Variants in DCTN1 observed in about 807,000 individuals in gnomAD.
DCTN1 encodes dynactin subunit 1.
A neutral mutation model predicts 161.2 loss-of-function variants in DCTN1; 61 were observed. The observed-to-expected ratio is 0.38, with a 90% CI of 0.31 to 0.47. The LOEUF is 0.47. Among genes scored for constraint, DCTN1 ranks in the 20% least tolerant of loss-of-function variants. The probability of loss-of-function intolerance (pLI) is 0.99; values close to 1 mark genes in which losing one functional copy is unlikely to be tolerated. For synonymous variants in DCTN1, 653 were observed against 632.4 expected, an observed-to-expected ratio of 1.03 and a Z score of -0.49; for missense variants, 1,404 against 1,623.7, an observed-to-expected ratio of 0.86 and a Z score of 2.33.
At position 74,363,074 on chromosome 2, in the gene DCTN1, C is replaced by G. The variant is rs771822061; in HGVS notation, c.3449G>C (p.Arg1150Pro). 1 of 1,613,852 alleles carries G rather than the reference C, an allele frequency of 6.2e-7. No individual in the cohort carries two copies. Among genetic ancestry groups the G allele is most frequent in the Non-Finnish European group, 8.5e-7 (1 of 1,179,890 alleles). ...GSELPAGALY[R>P]KTSQLLETLN... Reference sequence around the variant, plus strand: ...TGTCTCCAGCAGCTGGCTGGTCTTACGATACAGCGCTCCAGCTGGTAACTC... The same window carrying G: ...TGTCTCCAGCAGCTGGCTGGTCTTAGGATACAGCGCTCCAGCTGGTAACTC... Residue 1150 changes from arginine to proline, a missense_variant, in exon 29 of 32, where the codon CGT becomes CCT. Coordinates refer to ENST00000628224, the MANE Select transcript of DCTN1 (RefSeq NM_004082.5).
At chr2:74,367,947 G>A in intron 17 of DCTN1, 24 bp downstream of exon 17, 1 of 1,614,230 alleles carries the variant, frequency 6.2e-7, no homozygotes, top group South Asian at 1.1e-5. Flanking sequence ...CCACCCTGGG[G>A]TGAGGGAGTC....
Position 74,363,435 on chromosome 2 carries a change from G to T in DCTN1, c.3212-8C>A. The T allele has an allele frequency of 1.2e-6, 2 of 1,611,758 alleles. No homozygotes were observed. Among genetic ancestry groups the T allele is most frequent in the South Asian group, 2.2e-5 (2 of 90,680 alleles). ...CCTGCCCAGGGATGGCTCCTGTGGGGACCATAAAAAATCTCATCAGCCCCA... is the reference window on the plus strand; with the variant it reads ...CCTGCCCAGGGATGGCTCCTGTGGGTACCATAAAAAATCTCATCAGCCCCA... On this transcript the variant is annotated splice_region_variant and splice_polypyrimidine_tract_variant and intron_variant, in intron 27 of 31. Coordinates refer to ENST00000628224, the MANE Select transcript of DCTN1 (RefSeq NM_004082.5).
intron 15 of DCTN1, 37 bp from the exon 16 acceptor site, chr2:74,368,917 G>A (rs1218046403): frequency 6.2e-7 from 1 of 1,612,494 alleles, no homozygotes; most frequent in Non-Finnish European, 8.5e-7. Context: ...CTTAGCCAGA[G>A]CTGAAAGAGC....
At position 74,363,642 on chromosome 2, in the gene DCTN1, A is replaced by G. The variant is rs1454462633; in HGVS notation, c.3197-14T>C. 1 of 1,613,516 alleles carries G rather than the reference A, an allele frequency of 6.2e-7. No individual in the cohort carries two copies. Among genetic ancestry groups the G allele is most frequent in the Non-Finnish European group, 8.5e-7 (1 of 1,179,826 alleles). ...GCTGCTGTTCTTCTGTGCTCGGGAT[A>G]GCCCATGGGGGAGCAGGAAAAGAGG... On this transcript the variant is annotated splice_polypyrimidine_tract_variant and intron_variant, in intron 26 of 31. Transcript: ENST00000628224.
At chr2:74,377,020 A>G (rs922338785) in intron 4 of DCTN1, among the ~76,000 whole-genome samples, 3 of 152,236 alleles carry the variant, frequency 2.0e-5, no homozygotes, top group African/African-American at 7.2e-5. Context: ...AGCTTAAAAC[A>G]GGAGGCAGAG....
chr2:74,364,899 A>G, intron 26 of DCTN1, 176 bp downstream of exon 26: 5 of 750,676 alleles, frequency 6.7e-6, no homozygotes, highest in Non-Finnish European at 1.1e-5. Flanking sequence ...AACTCAGCAC[A>G]CATCTTCAGC....
Position 74,362,986 on chromosome 2 carries a change from G to A in DCTN1, c.3529+8C>T, listed in dbSNP as rs547520298. The stretch of plus-strand genomic sequence containing the variant: ...TTTTATTCATCTTGGGGGTTGGCAG[G>A]TACATACCAGGGCTGGTGCGAGTGA... On this transcript the variant is annotated splice_region_variant and intron_variant, in intron 29 of 31. Transcript: ENST00000628224. The A allele has an allele frequency of 4.3e-5, 70 of 1,611,288 alleles. No homozygotes were observed. In the South Asian group the frequency reaches 6.8e-4, roughly 16 times the overall value.
In DCTN1 at chr2:74,361,231, G is replaced by A. The variant is rs1673957652; in HGVS notation, c.*268C>T. 3.3e-6 allele frequency: 2 copies of A among 612,188 alleles called. No individual in the cohort carries two copies. The allele number at this position is 612,188 out of a possible 1,614,324, so 37.9% of individuals were successfully genotyped here. On this transcript the variant is annotated 3_prime_UTR_variant, in exon 32 of 32. Coordinates refer to ENST00000628224, the MANE Select transcript of DCTN1 (RefSeq NM_004082.5). ...ACCTCACTTAACCTTTGGTGGTGGG[G>A]TCTCAGCCTACCCCCCACAAGCCCT...
Position 74,371,120 on chromosome 2 carries a change from C to A in DCTN1, c.702G>T (p.Leu234=), listed in dbSNP as rs758500443. ...VRDLEEKLET[L]RLKRAEDKAK... ...CTTTGTCTTCTGCCCGTTTCAGTCT[C>A]AGGGTCTCTAGTTTCTCCTCCAGGT... The change falls in exon 9 of 32, where the codon CTG becomes CTT. Residue 234 remains leucine, a synonymous_variant. Transcript: ENST00000628224. The A allele has an allele frequency of 1.1e-5, 18 of 1,614,064 alleles. No homozygotes were observed. Among genetic ancestry groups the A allele is most frequent in the Middle Eastern group, 1.6e-4 (1 of 6,084 alleles).
intron 4 of DCTN1, 137 bp from the exon 5 acceptor site, chr2:74,376,899 C>T: frequency 1.3e-6 from 1 of 783,724 alleles, no homozygotes; most frequent in South Asian, 1.5e-5. Flanking sequence ...CAAAGATCAG[C>T]TTCCAGGATG....
intron 1 of DCTN1, chr2:74,379,088 C>CA (rs769936595): frequency 3.3e-5 from 5 of 152,550 alleles, no homozygotes; most frequent in Non-Finnish European, 5.9e-5. Flanking sequence ...ATGGGCAAGG[C>CA]AAAACAACAG....
At position 74,365,258 on chromosome 2, in the gene DCTN1, G is replaced by A; in HGVS notation, c.3030-17C>T. On this transcript the variant is annotated splice_polypyrimidine_tract_variant and intron_variant, in intron 25 of 31. Coordinates refer to ENST00000628224, the MANE Select transcript of DCTN1 (RefSeq NM_004082.5). ...TCAAACTCTCTGTGAAAGAGAATCT[G>A]GGCTTTGGCAGTGTCCCTTCTCTAA... The A allele has an allele frequency of 6.2e-7, 1 of 1,614,022 alleles. No homozygotes were observed.
Position 74,365,669 on chromosome 2 carries a change from C to A in DCTN1, c.2887-12G>T, listed in dbSNP as rs1674351883. On this transcript the variant is annotated splice_polypyrimidine_tract_variant and intron_variant, in intron 24 of 31. Coordinates refer to ENST00000628224, the MANE Select transcript of DCTN1 (RefSeq NM_004082.5). ...CTTAGCTCCTCTCCCTGGACAAGGA[C>A]AGAACTTCTAGATCCCTGACATCCT... The A allele has an allele frequency of 6.2e-7, 1 of 1,614,028 alleles. No individual in the cohort carries two copies. Among genetic ancestry groups the A allele is most frequent in the African/African-American group, 1.3e-5 (1 of 74,914 alleles).
At chr2:74,381,669 G>C (rs532822753), upstream of DCTN1, among the ~76,000 whole-genome samples, 2 of 152,092 alleles carry the variant, frequency 1.3e-5, no homozygotes, top group African/African-American at 4.8e-5. Context: ...GTTGAGTACT[G>C]GTTCTAGACT....
chr2:74,363,337 C>T lies in DCTN1; in HGVS notation c.3302G>A (p.Arg1101Lys), dbSNP rs121909345. ...PLLLQQISAM[R>K]LHISQLQHEN... ...ATGCTGGAGCTGGGAGATGTGCAGC[C>T]TCATGGCAGAGATCTGCTGAAGCAG... Residue 1101 changes from arginine (R) to lysine (K), a missense_variant, in exon 28 of 32, where the codon AGG becomes AAG. Around this residue, in one of 9 missense-constraint regions of DCTN1, gnomAD observed 311 missense variants for 298.9 expected, o/e 1.04. Coordinates refer to ENST00000628224, the MANE Select transcript of DCTN1 (RefSeq NM_004082.5). The T allele has an allele frequency of 1.7e-5, 28 of 1,613,272 alleles. No individual in the cohort carries two copies. The highest frequency in any genetic ancestry group is 2.3e-5 in the Non-Finnish European group (27 of 1,179,722).
chr2:74,387,065 C>CG (rs1675763894), intron 1 of DCTN1: 1 of 152,268 alleles, frequency 6.6e-6, no homozygotes, highest in Non-Finnish European at 1.5e-5. Context: ...ATCTACTTCT[C>CG]GATCCATTGC....
At chr2:74,373,217 A>C in intron 6 of DCTN1, 1 of 535,070 alleles carries the variant, frequency 1.9e-6, no homozygotes, top group Admixed American at 3.0e-5. Context: ...CACCCCAGAA[A>C]TCCCAGAAGT....
chr2:74,361,863 G>T (rs1221376472), intron 31 of DCTN1, among the ~76,000 whole-genome samples, 189 bp downstream of exon 31: 1 of 152,180 alleles, frequency 6.6e-6, no homozygotes, highest in Non-Finnish European at 1.5e-5. Flanking sequence ...GTGTTTAGGT[G>T]CTAAAATATT....
At chr2:74,378,802 C>A (rs2103727683) in intron 1 of DCTN1, 1 of 164,946 alleles carries the variant, frequency 6.1e-6, no homozygotes, top group East Asian at 1.7e-4. Flanking sequence ...TAAGTCACCA[C>A]CTCTCCTTCC....
Sources: allele counts gnomAD v4.1 joint callset (sites outside exome capture counted in the v4.1 genomes callset), GRCh38; gene constraint gnomAD v4.1.1; regional missense constraint gnomAD v4.1.1; transcripts MANE v1.5; gene names NCBI Gene and HGNC (gene_info 2026-07-23, HGNC 2026-07-21).